The following VOPP1 variants were observed in gnomAD, a reference collection of about 807,000 sequenced individuals.
VOPP1 encodes WW domain binding protein VOPP1.
In VOPP1, 8 loss-of-function variants were observed where a neutral mutation model predicts 23.5. That is an observed-to-expected ratio of 0.34 (90% CI 0.20 to 0.61). VOPP1 has a LOEUF of 0.61. Among genes scored for constraint, VOPP1 ranks in the 20% least tolerant of loss-of-function variants. VOPP1 has a pLI of 0.78. For missense variants in VOPP1, 174 were observed against 238.1 expected (o/e 0.73, Z 1.77); for synonymous variants, 83 against 97.3 (o/e 0.85, Z 0.86).
rs193175173 is a variant in VOPP1 at position 55,474,796 on chromosome 7, A to T, written c.329-1751T>A. Among the ~76,000 whole-genome samples, 64 of 152,350 alleles carry T rather than the reference A, an allele frequency of 4.2e-4. 1 individual carries two copies. Among genetic ancestry groups the T allele is most frequent in the African/African-American group, 1.5e-3 (63 of 41,578 alleles). On this transcript the variant is annotated intron_variant, in intron 4 of 4. Coordinates refer to ENST00000285279, the MANE Select transcript of VOPP1 (RefSeq NM_030796.5). ...TGTCCAGGAGAAGGCTGCAGGAAGG[A>T]GCAGCACTGAGGCCAGGAGAGGAGC... is the stretch of plus-strand genomic sequence containing the variant.
At chr7:55,538,790 G>C in intron 1 of VOPP1, 1 of 549,404 alleles carries the variant, frequency 1.8e-6, no homozygotes, top group South Asian at 3.5e-5. Context: ...CTGCTGATGA[G>C]GAAACATCTC....
intron 3 of VOPP1, 148 bp downstream of exon 3, chr7:55,497,465 A>AC (rs887804241): frequency 1.5e-6 from 1 of 685,862 alleles, no homozygotes; most frequent in Non-Finnish European, 2.5e-6. Flanking sequence ...CATGAAGCCA[A>AC]CCCAAACATA....
At chr7:55,458,124 T>A (rs997600165) in intron 4 of VOPP1, among the ~76,000 whole-genome samples, 5 of 152,202 alleles carry the variant, frequency 3.3e-5, no homozygotes, top group African/African-American at 4.8e-5. Context: ...AGGGGTCTAG[T>A]TTCATTATTT....
Position 55,443,282 on chromosome 7 carries a change from T to C in VOPP1, n.418-7108A>G, listed in dbSNP as rs112721647. Among the ~76,000 whole-genome samples the C allele has an allele frequency of 9.9e-3, 1,499 of 151,544 alleles. 21 individuals are homozygous for C. Among genetic ancestry groups the C allele is most frequent in the African/African-American group, 0.033 (1,362 of 41,350 alleles). ...AAAAACAGATAAATGTGGCTGGGCGTGGTGGCTCACGCCTGTAATCCCAGC... is the reference window on the plus strand; with the variant it reads ...AAAAACAGATAAATGTGGCTGGGCGCGGTGGCTCACGCCTGTAATCCCAGC... On this transcript the variant is annotated intron_variant and non_coding_transcript_variant, in intron 4 of 4. Transcript: ENST00000462326.
At chr7:55,479,150 CTT>C (rs56389484) in intron 4 of VOPP1, among the ~76,000 whole-genome samples, 45 of 145,576 alleles carry the variant, frequency 3.1e-4, no homozygotes, top group East Asian at 4.0e-4. Context: ...AGAACATTTT[CTT>C]TTTTTTTTTT....
intron 1 of VOPP1, among the ~76,000 whole-genome samples, chr7:55,524,877 C>T (rs1796077018): frequency 6.6e-6 from 1 of 152,182 alleles, no homozygotes; most frequent in African/African-American, 2.4e-5. Flanking sequence ...GCTCCAAATC[C>T]AGCACCAGCA....
chr7:55,496,511 A>AG (rs1221974298), intron 3 of VOPP1, among the ~76,000 whole-genome samples: 2 of 152,202 alleles, frequency 1.3e-5, no homozygotes, highest in Non-Finnish European at 2.9e-5. Context: ...CTCCCTTGTT[A>AG]GGGGGGTACA....
At chr7:55,487,141 A>G (rs1358354614) in intron 4 of VOPP1, among the ~76,000 whole-genome samples, 1 of 152,186 alleles carries the variant, frequency 6.6e-6, no homozygotes, top group Non-Finnish European at 1.5e-5. Context: ...GAGGGTAATT[A>G]AACTGTCAAA....
chr7:55,525,468 G>A (rs1488339577), intron 1 of VOPP1, among the ~76,000 whole-genome samples: 9 of 147,660 alleles, frequency 6.1e-5, no homozygotes, highest in South Asian at 2.2e-4. Context: ...CAGCCTGGGC[G>A]ACAGAGCGAG....
At chr7:55,562,403 A>C (rs961024264) in intron 1 of VOPP1, among the ~76,000 whole-genome samples, 1 of 151,584 alleles carries the variant, frequency 6.6e-6, no homozygotes, top group Non-Finnish European at 1.5e-5. Flanking sequence ...GAACTAAAAA[A>C]CTCTCTCAAG....
chr7:55,536,501 C>T (rs1406026885), intron 1 of VOPP1, among the ~76,000 whole-genome samples: 1 of 152,108 alleles, frequency 6.6e-6, no homozygotes, highest in Non-Finnish European at 1.5e-5. Flanking sequence ...TGCTCTGCAG[C>T]CTGGGTGAGA....
intron 4 of VOPP1, among the ~76,000 whole-genome samples, chr7:55,448,770 T>A (rs1258969830): frequency 6.6e-6 from 1 of 152,226 alleles, no homozygotes; most frequent in Non-Finnish European, 1.5e-5. Flanking sequence ...GCCAGGGCGC[T>A]GGCAACGGTG....
chr7:55,538,565 C>T (rs759640021), intron 1 of VOPP1: 2 of 1,505,208 alleles, frequency 1.3e-6, no homozygotes, highest in South Asian at 2.4e-5. Context: ...TCACTGTAAA[C>T]TGCTTTACAT....
intron 1 of VOPP1, among the ~76,000 whole-genome samples, chr7:55,561,431 C>T (rs1172492629): frequency 1.3e-5 from 2 of 152,120 alleles, no homozygotes; most frequent in Non-Finnish European, 2.9e-5. Flanking sequence ...ACAGACCAGG[C>T]CGGGCACGGT....
rs545789961 is a variant in VOPP1, at chr7:55,549,376, C to T, written c.54+22895G>A. 2.3e-4 allele frequency among the ~76,000 whole-genome samples: 35 copies of T among 152,324 alleles called. 1 individual carries two copies. The South Asian group carries it at 7.2e-3, about 32-fold the overall frequency. On this transcript the variant is annotated intron_variant, in intron 1 of 4. Coordinates refer to ENST00000285279, the MANE Select transcript of VOPP1 (RefSeq NM_030796.5). ...GAACTAGGCAGACTGATGGCACATG[C>T]ACGGGCCCATGGCTTAATTTCTCCT...
intron 1 of VOPP1, among the ~76,000 whole-genome samples, chr7:55,539,074 T>C (rs896370055): frequency 6.7e-6 from 1 of 149,942 alleles, no homozygotes; most frequent in Non-Finnish European, 1.5e-5. Flanking sequence ...CCGGGTGTGA[T>C]GGCTCACGCC....
intron 4 of VOPP1, among the ~76,000 whole-genome samples, chr7:55,483,888 C>T (rs990091964): frequency 6.6e-6 from 1 of 152,200 alleles, no homozygotes; most frequent in African/African-American, 2.4e-5. Context: ...TCCCGAGTAG[C>T]TGGGATTACA....
intron 2 of VOPP1, among the ~76,000 whole-genome samples, chr7:55,503,849 G>A (rs756263779): frequency 6.6e-6 from 1 of 152,232 alleles, no homozygotes; most frequent in African/African-American, 2.4e-5. Context: ...CTCCAGAGCT[G>A]TGAGAAATAA....
At chr7:55,469,232 T>C (rs368556209), downstream of VOPP1, among the ~76,000 whole-genome samples, 1 of 152,300 alleles carries the variant, frequency 6.6e-6, no homozygotes, top group Non-Finnish European at 1.5e-5. Flanking sequence ...ATGAAAACTA[T>C]TGGGCCTCTC....
Sources: gnomAD v4.1 joint callset for allele counts (sites outside exome capture counted in the v4.1 genomes callset) on GRCh38, gnomAD v4.1.1 for gene constraint, MANE v1.5 for transcripts, NCBI Gene and HGNC (gene_info 2026-07-23, HGNC 2026-07-21) for gene names.